The following RUBCN variants were observed in gnomAD, a reference collection of about 807,000 sequenced individuals.
The protein encoded by RUBCN is run domain Beclin-1-interacting and cysteine-rich domain-containing protein.
Under a neutral mutation model 113.2 loss-of-function variants are expected in RUBCN, and 74 were observed. The ratio of observed to expected loss-of-function variants is 0.65; its 90% CI spans 0.54 to 0.79. The LOEUF is 0.79. RUBCN is among the 30% of genes least tolerant of loss of function. The pLI is 0.00. For synonymous variants in RUBCN, 480 were observed against 490.0 expected (o/e 0.98, Z 0.27); for missense variants, 1,109 against 1,251.7 (o/e 0.89, Z 1.72).
intron 11 of RUBCN, among the ~76,000 whole-genome samples, chr3:197,692,765 TG>T (rs1722564179): frequency 6.6e-6 from 1 of 152,132 alleles, no homozygotes. Flanking sequence ...CTCGAAAATG[TG>T]TGAAAAAACG....
At chr3:197,749,027 T>A (rs1050570754) in intron 1 of RUBCN, among the ~76,000 whole-genome samples, 2 of 152,196 alleles carry the variant, frequency 1.3e-5, no homozygotes, top group East Asian at 3.8e-4. Flanking sequence ...AGTTTTAAGC[T>A]GTATGAGGGT....
chr3:197,749,704 C>A, upstream of RUBCN: 11 of 634,022 alleles, frequency 1.7e-5, no homozygotes, highest in South Asian at 1.7e-4. Context: ...CTGCTCACAA[C>A]GGCGGTCCTC....
Position 197,682,428 on chromosome 3 carries a change from G to A in RUBCN, c.2126+42C>T, listed in dbSNP as rs1490829081. The A allele has an allele frequency of 2.5e-6, 4 of 1,612,480 alleles. No individual in the cohort carries two copies. In the South Asian group the frequency reaches 3.3e-5, roughly 13 times the overall value. On this transcript the variant is annotated intron_variant, in intron 14 of 19. Transcript: ENST00000296343. ...ACGAAAACCCTGACAATCCAAAGAG[G>A]ACGGATCTGTGCTCCAAAGGGCACA...
chr3:197,731,723 G>A (rs1470493359), intron 1 of RUBCN, among the ~76,000 whole-genome samples: 2 of 148,806 alleles, frequency 1.3e-5, no homozygotes, highest in East Asian at 2.0e-4. Context: ...CTCACTTCCC[G>A]GATGGGGCGA....
intron 11 of RUBCN, among the ~76,000 whole-genome samples, chr3:197,688,393 C>T (rs1722074313): frequency 6.6e-6 from 1 of 152,152 alleles, no homozygotes; most frequent in African/African-American, 2.4e-5. Flanking sequence ...GGCTGAGCCA[C>T]CACGTGAGGC....
At chr3:197,743,276 A>T (rs1728601665) in intron 1 of RUBCN, among the ~76,000 whole-genome samples, 1 of 151,550 alleles carries the variant, frequency 6.6e-6, no homozygotes, top group Non-Finnish European at 1.5e-5. Flanking sequence ...TATGCCTGCC[A>T]CCCCGTCTGT....
intron 7 of RUBCN, 46 bp downstream of exon 7, chr3:197,700,567 C>T (rs984906622): frequency 1.9e-6 from 3 of 1,603,254 alleles, no homozygotes; most frequent in Non-Finnish European, 2.6e-6. Flanking sequence ...CTCTTACTCT[C>T]AATTCAGGGT....
intron 9 of RUBCN, among the ~76,000 whole-genome samples, chr3:197,695,414 A>G (rs1722894369): frequency 6.6e-6 from 1 of 152,200 alleles, no homozygotes; most frequent in South Asian, 2.1e-4. Context: ...TGGGCAACAC[A>G]GGGAGACCTC....
At chr3:197,713,938 G>A (rs768222364) in intron 2 of RUBCN, among the ~76,000 whole-genome samples, 8 of 151,950 alleles carry the variant, frequency 5.3e-5, no homozygotes, top group Admixed American at 3.3e-4. Flanking sequence ...TTAGCCGGGC[G>A]TGGTGGCGGG....
rs1324633314 is a variant in RUBCN at position 197,749,576 on chromosome 3, ATAGGGGACCTGTCTGCAGC to A, written c.-442_-424del. 103 of 1,284,822 alleles carry A rather than the reference ATAGGGGACCTGTCTGCAGC, an allele frequency of 8.0e-5. 1 individual carries two copies. The highest frequency in any genetic ancestry group is 9.9e-5 in the Non-Finnish European group (97 of 983,290). 79.6% of individuals were successfully genotyped at this position (1,284,822 alleles called of 1,614,324 possible). ...GCGAAAGGCTCGTGTGTACCGAAGTATAGGGGACCTGTCTGCAGCAGGAGGGACTCGAAGGACACGGAGG... is the reference window on the plus strand; with the variant it reads ...GCGAAAGGCTCGTGTGTACCGAAGTAAGGAGGGACTCGAAGGACACGGAGG... On this transcript the variant is annotated 5_prime_UTR_variant, in exon 1 of 21. Coordinates refer to the RUBCN transcript ENST00000273582.
At chr3:197,689,939 A>G (rs1373926946) in intron 11 of RUBCN, among the ~76,000 whole-genome samples, 1 of 151,940 alleles carries the variant, frequency 6.6e-6, no homozygotes, top group Admixed American at 6.6e-5. Context: ...CCACTAACCA[A>G]CCTCTCTTTA....
In RUBCN at chr3:197,683,270, G is replaced by T; in HGVS notation, c.1980+37C>A. The T allele has an allele frequency of 6.2e-7, 1 of 1,613,842 alleles. No homozygotes were observed. ...GGAAAACAAGGTCACAGAGGCTCAC[G>T]ATGGCCCCTGGGTAGGAAGAAGAGC... On this transcript the variant is annotated intron_variant, in intron 13 of 19. Transcript: ENST00000296343. This position sits in a 1 kb window ranked among gnomAD's most constrained non-coding sequence, Gnocchi z 4.6.
chr3:197,739,612 CGTG>C (rs1278136633), upstream of RUBCN, among the ~76,000 whole-genome samples: 1 of 151,158 alleles, frequency 6.6e-6, no homozygotes. Flanking sequence ...AGGAGAATGG[CGTG>C]ATGAACCCGG....
At chr3:197,693,487 G>A in intron 11 of RUBCN, among the ~76,000 whole-genome samples, 1 of 152,196 alleles carries the variant, frequency 6.6e-6, no homozygotes, top group Non-Finnish European at 1.5e-5. Context: ...GGACGCGTCA[G>A]GGTGACATCA....
intron 1 of RUBCN, among the ~76,000 whole-genome samples, chr3:197,731,572 C>T (rs547672692): frequency 0.012 from 1,835 of 151,700 alleles, 24 homozygotes; most frequent in Non-Finnish European, 0.021. Context: ...TAGGCGCGAC[C>T]GGGCAGAGGC....
chr3:197,740,328 G>T, upstream of RUBCN, among the ~76,000 whole-genome samples: 1 of 151,304 alleles, frequency 6.6e-6, no homozygotes, highest in Non-Finnish European at 1.5e-5. Context: ...AATTAGCTGG[G>T]AATGGTGGCA....
rs541688091 is a variant in RUBCN, at chr3:197,669,566, A to G, written c.*5452T>C. On this transcript the variant is annotated 3_prime_UTR_variant, in exon 20 of 20. Transcript: ENST00000296343. ...TAGTAGGTACATGACATCCAATGAC[A>G]TCTTTGGAGATGTTAACGTTGATTA... 1.3e-5 allele frequency among the ~76,000 whole-genome samples: 2 copies of G among 152,344 alleles called. No individual in the cohort carries two copies. The highest frequency in any genetic ancestry group is 3.4e-3 in the Middle Eastern group (1 of 294).
chr3:197,741,497 C>T (rs1728522626), upstream of RUBCN, among the ~76,000 whole-genome samples: 1 of 152,176 alleles, frequency 6.6e-6, no homozygotes, highest in Admixed American at 6.5e-5. Context: ...GCAACATTTC[C>T]ATCCCCTCTA....
exon 1 of RUBCN, chr3:197,749,491 C>T: frequency 7.8e-7 from 1 of 1,284,846 alleles, no homozygotes; most frequent in Non-Finnish European, 1.0e-6. Flanking sequence ...AGCTGGGATG[C>T]AGCTGCAATC....
Sources: gnomAD v4.1 joint callset for allele counts (sites outside exome capture counted in the v4.1 genomes callset) on GRCh38, gnomAD v4.1.1 for gene constraint, Gnocchi (gnomAD v3.1) non-coding constraint, MANE v1.5 for transcripts, NCBI Gene and HGNC (gene_info 2026-07-23, HGNC 2026-07-21) for gene names.